The following CADPS2 variants were observed in gnomAD, a reference collection of about 807,000 sequenced individuals.
The protein encoded by CADPS2 is calcium dependent secretion activator 2.
A neutral mutation model predicts 172.5 loss-of-function variants in CADPS2; 93 were observed. That is an observed-to-expected ratio of 0.54 (90% CI 0.46 to 0.64). The LOEUF (loss-of-function observed/expected upper bound fraction) is 0.64. CADPS2 is among the 30% of genes least tolerant of loss of function. CADPS2 has a pLI of 0.00. For synonymous variants in CADPS2, 546 were observed against 555.2 expected (o/e 0.98, Z 0.23); for missense variants, 1,420 against 1,565.9 (o/e 0.91, Z 1.57).
chr7:122,766,964 T>A (rs1347655517), intron 1 of CADPS2, among the ~76,000 whole-genome samples: 1 of 152,158 alleles, frequency 6.6e-6, no homozygotes. Flanking sequence ...AAGAATGAAA[T>A]TAGTGAATAC....
At chr7:122,875,501 C>T (rs1820977760) in intron 1 of CADPS2, among the ~76,000 whole-genome samples, 1 of 152,054 alleles carries the variant, frequency 6.6e-6, no homozygotes, top group Admixed American at 6.5e-5. Flanking sequence ...TATAATAATG[C>T]TAATTATTAG....
intron 10 of CADPS2, among the ~76,000 whole-genome samples, chr7:122,490,576 T>A (rs374926038): frequency 5.3e-5 from 8 of 152,234 alleles, no homozygotes; most frequent in East Asian, 1.9e-4. Flanking sequence ...CATAGCACAA[T>A]CTGATATTTC....
chr7:122,590,335 T>A (rs1445141970), intron 6 of CADPS2, among the ~76,000 whole-genome samples: 1 of 151,948 alleles, frequency 6.6e-6, no homozygotes, highest in African/African-American at 2.4e-5. Context: ...TATGGTCAAA[T>A]GTAATGCATA....
chr7:122,701,173 T>A (rs1165528683), intron 2 of CADPS2, among the ~76,000 whole-genome samples: 1 of 152,118 alleles, frequency 6.6e-6, no homozygotes, highest in African/African-American at 2.4e-5. Context: ...GTTTTTAACA[T>A]ATACTAATGT....
In CADPS2 at chr7:122,447,543, A is replaced by ATTTTTTT. The variant is rs1159112244; in HGVS notation, c.2288+3824_2288+3830dup. On this transcript the variant is annotated intron_variant, in intron 15 of 29. Transcript: ENST00000449022. ...CCATGTTGATTTCTTGTTTCGGGGA[A>ATTTTTTT]TTTTTTTTTTTTTTTTTTTTTTTTT... Among the ~76,000 whole-genome samples the ATTTTTTT allele has an allele frequency of 4.1e-3, 365 of 89,760 alleles. 62 individuals are homozygous for ATTTTTTT. Among genetic ancestry groups the ATTTTTTT allele is most frequent in the Admixed American group, 0.011 (75 of 6,534 alleles). The allele number at this position is 89,760 out of a possible 152,430, so 58.9% of individuals were successfully genotyped here. A position where few individuals can be genotyped will look rare whatever the true frequency, so the allele number is the denominator to read the frequency against.
chr7:122,359,544 T>C (rs1235286300), intron 27 of CADPS2, among the ~76,000 whole-genome samples: 1 of 152,196 alleles, frequency 6.6e-6, no homozygotes, highest in Non-Finnish European at 1.5e-5. Flanking sequence ...AGTCCATTTG[T>C]AATTCAAAAT....
At chr7:122,706,674 T>C (rs1039666463) in intron 2 of CADPS2, among the ~76,000 whole-genome samples, 2 of 146,524 alleles carry the variant, frequency 1.4e-5, no homozygotes. Flanking sequence ...AGGTAGAACA[T>C]ACATATATAT....
chr7:122,614,021 T>C (rs1435198955), intron 6 of CADPS2, among the ~76,000 whole-genome samples: 3 of 151,790 alleles, frequency 2.0e-5, no homozygotes, highest in Non-Finnish European at 4.4e-5. Flanking sequence ...TAAGTTGAGA[T>C]TCTCAATGCC....
intron 2 of CADPS2, among the ~76,000 whole-genome samples, chr7:122,711,743 C>T (rs2088764041): frequency 6.6e-6 from 1 of 152,090 alleles, no homozygotes; most frequent in South Asian, 2.1e-4. Flanking sequence ...ACCTCTGCCT[C>T]CAGGGTTCAA....
At chr7:122,835,017 A>C (rs1049886080) in intron 1 of CADPS2, among the ~76,000 whole-genome samples, 1 of 152,166 alleles carries the variant, frequency 6.6e-6, no homozygotes, top group Admixed American at 6.5e-5. Context: ...CGAGTAGCCT[A>C]ATGGGGAGGC....
At chr7:122,350,745 G>A (rs1247827866) in intron 27 of CADPS2, among the ~76,000 whole-genome samples, 3 of 152,104 alleles carry the variant, frequency 2.0e-5, no homozygotes, top group African/African-American at 7.2e-5. Context: ...CAGGGCTTTG[G>A]GAGGCTGAGG....
At chr7:122,549,615 T>A (rs770294660) in intron 8 of CADPS2, among the ~76,000 whole-genome samples, 8 of 147,098 alleles carry the variant, frequency 5.4e-5, no homozygotes, top group South Asian at 4.3e-4. Context: ...AGTGAGACTC[T>A]GTCTTAAAAA....
chr7:122,817,284 G>A (rs995418814), intron 1 of CADPS2, among the ~76,000 whole-genome samples: 1 of 152,172 alleles, frequency 6.6e-6, no homozygotes, highest in Non-Finnish European at 1.5e-5. Flanking sequence ...CAGGTCCTCA[G>A]ACTGACCAGC....
chr7:122,332,034 A>G (rs2035036570), intron 28 of CADPS2: 1 of 152,178 alleles, frequency 6.6e-6, no homozygotes, highest in African/African-American at 2.4e-5. Flanking sequence ...GCAACATAGG[A>G]TTATGCACAA....
intron 2 of CADPS2, chr7:122,698,486 G>A (rs778899076): frequency 8.7e-6 from 14 of 1,613,720 alleles, no homozygotes; most frequent in Non-Finnish European, 1.0e-5. Flanking sequence ...TCAAATGCCT[G>A]ATGAAACATG....
chr7:122,857,970 A>G (rs1815773290), intron 1 of CADPS2, among the ~76,000 whole-genome samples: 1 of 152,144 alleles, frequency 6.6e-6, no homozygotes, highest in Non-Finnish European at 1.5e-5. Flanking sequence ...GTGCAGACCC[A>G]AAGACTGAGC....
intron 9 of CADPS2, among the ~76,000 whole-genome samples, chr7:122,506,015 T>C (rs142397131): frequency 1.6e-4 from 25 of 152,218 alleles, no homozygotes; most frequent in African/African-American, 5.5e-4. Context: ...CTGGAGAAAT[T>C]GTACTCAGAC....
Position 122,327,354 on chromosome 7 carries a change from C to T in CADPS2, c.3613-1773G>A, listed in dbSNP as rs190752345. Among the ~76,000 whole-genome samples, 270 of 152,216 alleles carry T rather than the reference C, an allele frequency of 1.8e-3. 1 individual carries two copies. The highest frequency in any genetic ancestry group is 0.016 in the Admixed American group (247 of 15,268). On this transcript the variant is annotated intron_variant, in intron 28 of 29. Coordinates refer to ENST00000449022, the MANE Select transcript of CADPS2 (RefSeq NM_017954.11). ...ATTGAGGCCCTTCTACCACACCACA[C>T]TCTAGATAATTTGAAAGTGAAAATA...
At chr7:122,444,986 T>C (rs1305776082) in intron 15 of CADPS2, among the ~76,000 whole-genome samples, 2 of 152,152 alleles carry the variant, frequency 1.3e-5, no homozygotes, top group Non-Finnish European at 2.9e-5. Flanking sequence ...TATCCAATAG[T>C]TCCGGTAGCA....
Sources: gnomAD v4.1 joint callset for allele counts (sites outside exome capture counted in the v4.1 genomes callset) on GRCh38, gnomAD v4.1.1 for gene constraint, MANE v1.5 for transcripts, NCBI Gene and HGNC (gene_info 2026-07-23, HGNC 2026-07-21) for gene names.